Variants in RHOBTB2 observed in about 807,000 individuals in gnomAD.
RHOBTB2 encodes Rho related BTB domain containing 2, also known as rho-related BTB domain-containing protein 2.
Under a neutral mutation model 66.5 loss-of-function variants are expected in RHOBTB2, and 39 were observed. That is an observed-to-expected ratio of 0.59 (90% CI 0.45 to 0.77). RHOBTB2 has a LOEUF of 0.77. Ranked by LOEUF, RHOBTB2 falls within the 30% of genes least tolerant of loss-of-function variation. The pLI is 0.00. For synonymous variants in RHOBTB2, 390 were observed against 395.0 expected, an observed-to-expected ratio of 0.99 and a Z score of 0.15; for missense variants, 755 against 999.1, an observed-to-expected ratio of 0.76 and a Z score of 3.29.
chr8:22,973,556 C>T, the RHOBTB2 span, among the ~76,000 whole-genome samples: 1 of 152,064 alleles, frequency 6.6e-6, no homozygotes, highest in Non-Finnish European at 1.5e-5. Flanking sequence ...TGTCAAACCA[C>T]GAGAGACCCT....
chr8:22,981,011 G>C, the RHOBTB2 span, among the ~76,000 whole-genome samples: 1 of 152,158 alleles, frequency 6.6e-6, no homozygotes, highest in Non-Finnish European at 1.5e-5. Flanking sequence ...AGTATGATAC[G>C]TTATCTGTTT....
chr8:23,000,243 C>T, intron 1 of RHOBTB2, 138 bp downstream of exon 1: 1 of 470,848 alleles, frequency 2.1e-6, no homozygotes, highest in Non-Finnish European at 2.8e-6. Context: ...GCTTCGGCTG[C>T]TGGGTACAGC....
In RHOBTB2 at chr8:23,018,572, C is replaced by T. The variant is rs939189635; in HGVS notation, c.*1103C>T. The stretch of plus-strand genomic sequence containing the variant: ...TTCTCTGACTGCGGAGGCCCTGACC[C>T]TGCCAGCTGGCTCCGAGGGCAACAC... On this transcript the variant is annotated 3_prime_UTR_variant, in exon 10 of 10. Coordinates refer to ENST00000251822, the MANE Select transcript of RHOBTB2 (RefSeq NM_015178.3). 3 of 152,300 alleles carry T rather than the reference C, an allele frequency of 2.0e-5. No homozygotes were observed. The highest frequency in any genetic ancestry group is 4.4e-5 in the Non-Finnish European group (3 of 68,106). 9.4% of individuals were successfully genotyped at this position (152,300 alleles called of 1,614,324 possible). A position where few individuals can be genotyped will look rare whatever the true frequency, so the allele number is the denominator to read the frequency against.
rs768876803 is a variant in RHOBTB2, at chr8:23,007,350, G to A, written c.1105G>A (p.Gly369Arg). Reference protein sequence around the residue: ...PAGLRASTSDGILRGNGTGYL... With the variant: ...PAGLRASTSDRILRGNGTGYL... ...TGGCCTCCGTGCTTCCACCAGCGAC[G>A]GGATCTTACGGGGCAACGGAACAGG... Residue 369 changes from glycine to arginine, a missense_variant, in exon 5 of 10, where the codon GGG (glycine) becomes AGG (arginine). Around this residue, in one of 7 missense-constraint regions of RHOBTB2, gnomAD observed 247 missense variants for 238.9 expected, o/e 1.03. Coordinates refer to ENST00000251822, the MANE Select transcript of RHOBTB2 (RefSeq NM_015178.3). 7.4e-6 allele frequency: 12 copies of A among 1,613,720 alleles called. No individual in the cohort carries two copies. The highest frequency in any genetic ancestry group is 6.6e-5 in the South Asian group (6 of 91,044).
the RHOBTB2 span, among the ~76,000 whole-genome samples, chr8:22,961,017 G>A: frequency 3.3e-5 from 5 of 152,218 alleles, no homozygotes; most frequent in African/African-American, 1.2e-4. Flanking sequence ...TTTGGCCTAA[G>A]AATGCTTCTG....
chr8:22,997,833 G>A (rs1023998866), upstream of RHOBTB2, among the ~76,000 whole-genome samples: 8 of 152,218 alleles, frequency 5.3e-5, no homozygotes, highest in African/African-American at 1.7e-4. Context: ...ATCATGCAGA[G>A]ATCTCAAGTT....
chr8:22,993,272 G>A lies in RHOBTB2; in HGVS notation c.-24+1092G>A, dbSNP rs191640735. 2.6e-3 allele frequency among the ~76,000 whole-genome samples: 392 copies of A among 152,182 alleles called. 2 individuals carry two copies. Among genetic ancestry groups the A allele is most frequent in the African/African-American group, 8.8e-3 (365 of 41,510 alleles). ...ACTCCTGGGCTCAAGAGATCCTCCC[G>A]CCTCAGCCTCCAGAGTAGCTGGGAC... On this transcript the variant is annotated intron_variant, in intron 2 of 11. Transcript: ENST00000519685.
chr8:22,994,141 T>A (rs1055038567), intron 2 of RHOBTB2, among the ~76,000 whole-genome samples: 1 of 152,180 alleles, frequency 6.6e-6, no homozygotes, highest in African/African-American at 2.4e-5. Context: ...AGAATGAGTC[T>A]TGGAGGTCAC....
At chr8:23,001,582 T>C (rs1174726351) in intron 1 of RHOBTB2, among the ~76,000 whole-genome samples, 1 of 152,238 alleles carries the variant, frequency 6.6e-6, no homozygotes, top group Non-Finnish European at 1.5e-5. Context: ...TCTAGCATTA[T>C]ATAATACCAC....
chr8:22,986,658 G>T (rs1037298391), upstream of RHOBTB2, among the ~76,000 whole-genome samples: 1 of 152,132 alleles, frequency 6.6e-6, no homozygotes, highest in African/African-American at 2.4e-5. Flanking sequence ...AGAGAAAACA[G>T]AGCTCAAGTA....
At position 23,006,656 on chromosome 8, in the gene RHOBTB2, C is replaced by T. The variant is rs895189790; in HGVS notation, c.483-72C>T. 4.8e-6 allele frequency: 7 copies of T among 1,458,032 alleles called. No homozygotes were observed. The African/African-American group carries it at 9.8e-5, about 20-fold the overall frequency. The allele number at this position is 1,458,032 out of a possible 1,614,324, so 90.3% of individuals were successfully genotyped here. ...CACCCAGATCCTGAGCAGAGTCCCT[C>T]CAGCCTGTGGAAGAACAGGCAGCCT... On this transcript the variant is annotated intron_variant, in intron 4 of 9. Transcript: ENST00000251822. The surrounding 1 kb of genome is among the most constrained non-coding windows in gnomAD (Gnocchi z 6.1).
chr8:22,990,333 G>A lies in RHOBTB2; in HGVS notation c.-136-1735G>A, dbSNP rs533916996. 4.6e-5 allele frequency among the ~76,000 whole-genome samples: 7 copies of A among 152,166 alleles called. No individual in the cohort carries two copies. In the South Asian group the frequency reaches 6.2e-4, roughly 13 times the overall value. ...GCCCAGAAGGGCTGCTGGTGCACCC[G>A]TGCCACCTTCGCCCTCCACACCCCC... On this transcript the variant is annotated intron_variant, in intron 1 of 11. Coordinates refer to the RHOBTB2 transcript ENST00000519685.
chr8:22,964,968 C>G, the RHOBTB2 span, among the ~76,000 whole-genome samples: 1 of 151,976 alleles, frequency 6.6e-6, no homozygotes, highest in Non-Finnish European at 1.5e-5. Flanking sequence ...AGGCGCCCAC[C>G]ACCACGCCAG....
At chr8:22,963,104 C>G in the RHOBTB2 span, among the ~76,000 whole-genome samples, 1 of 152,144 alleles carries the variant, frequency 6.6e-6, no homozygotes, top group Admixed American at 6.5e-5. Flanking sequence ...TGCTTCAGCA[C>G]CAGCATATGG....
rs922294694 is a variant in RHOBTB2 at position 23,006,538 on chromosome 8, A to C, written c.483-190A>C. ...CACTGGGGCCTGGCATAGTAGGGAAAGCTTTCTGGAAGAAAAAGGGCTTGG... is the reference window on the plus strand; with the variant it reads ...CACTGGGGCCTGGCATAGTAGGGAACGCTTTCTGGAAGAAAAAGGGCTTGG... On this transcript the variant is annotated intron_variant, in intron 4 of 9. Coordinates refer to ENST00000251822, the MANE Select transcript of RHOBTB2 (RefSeq NM_015178.3). The surrounding 1 kb of genome is among the most constrained non-coding windows in gnomAD (Gnocchi z 6.1). The C allele has an allele frequency of 1.3e-4, 83 of 622,672 alleles. No homozygotes were observed. In the African/African-American group the frequency reaches 1.4e-3, roughly 10 times the overall value. 38.6% of individuals were successfully genotyped at this position (622,672 alleles called of 1,614,324 possible).
the RHOBTB2 span, among the ~76,000 whole-genome samples, chr8:22,977,234 CT>C: frequency 1.3e-5 from 2 of 152,192 alleles, no homozygotes; most frequent in African/African-American, 2.4e-5. Context: ...GACTTTCACC[CT>C]ACACTTCTCA....
the RHOBTB2 span, among the ~76,000 whole-genome samples, chr8:22,973,875 G>T: frequency 6.6e-6 from 1 of 152,154 alleles, no homozygotes; most frequent in African/African-American, 2.4e-5. Flanking sequence ...CTGCCCCACC[G>T]GCATCTTCTC....
chr8:22,983,489 A>G (rs550933224), upstream of RHOBTB2, among the ~76,000 whole-genome samples: 141 of 126,022 alleles, frequency 1.1e-3, 1 homozygote, highest in African/African-American at 3.8e-3. Context: ...ACCTCTCAAG[A>G]AAAAAAAAAA....
At chr8:22,960,299 GCCC>G in the RHOBTB2 span, among the ~76,000 whole-genome samples, 1 of 148,592 alleles carries the variant, frequency 6.7e-6, no homozygotes, top group Non-Finnish European at 1.5e-5. Context: ...TTATAGATGA[GCCC>G]TCCCCTCCCC....
Sources: allele counts gnomAD v4.1 joint callset (sites outside exome capture counted in the v4.1 genomes callset), GRCh38; gene constraint gnomAD v4.1.1; regional missense constraint gnomAD v4.1.1; non-coding constraint Gnocchi (gnomAD v3.1); transcripts MANE v1.5; gene names NCBI Gene and HGNC (gene_info 2026-07-23, HGNC 2026-07-21).